The following KCTD18 variants were observed in gnomAD, a reference collection of about 807,000 sequenced individuals.
The protein encoded by KCTD18 is potassium channel tetramerization domain containing 18, also known as BTB/POZ domain-containing protein KCTD18.
A neutral mutation model predicts 30.4 loss-of-function variants in KCTD18; 22 were observed. The ratio of observed to expected loss-of-function variants is 0.72; its 90% CI spans 0.52 to 1.03. The LOEUF (loss-of-function observed/expected upper bound fraction) is 1.03, where lower values mean the gene tolerates loss of function less well. Among genes scored for constraint, KCTD18 ranks in the 50% least tolerant of loss-of-function variants. The pLI is 0.00. For missense variants in KCTD18, 529 were observed against 547.6 expected, an observed-to-expected ratio of 0.97 and a Z score of 0.34; for synonymous variants, 186 against 209.0, an observed-to-expected ratio of 0.89 and a Z score of 0.95.
intron 6 of KCTD18, among the ~76,000 whole-genome samples, chr2:200,492,832 T>C (rs890731886): frequency 2.6e-5 from 1 of 39,040 alleles, no homozygotes; most frequent in African/African-American, 6.3e-5. Context: ...TCTAAATAGA[T>C]TTTTTTTTTA....
In KCTD18 at chr2:200,506,941, G is replaced by A. The variant is rs751451505; in HGVS notation, c.76C>T (p.Arg26Trp). ...LNVGGCIYTA[R>W]RESLCRFKDS... ...TTGAAGCGGCACAAGGACTCCCGCCGGGCTGTGTAAATACAGCCACCCACG... is the reference window on the plus strand; with the variant it reads ...TTGAAGCGGCACAAGGACTCCCGCCAGGCTGTGTAAATACAGCCACCCACG... Residue 26 changes from arginine (R) to tryptophan (W), a missense_variant, in exon 2 of 7, where the codon CGG becomes TGG. Arg to Trp is a moderately radical substitution (Grantham distance 101, BLOSUM62 -3). Coordinates refer to ENST00000359878, the MANE Select transcript of KCTD18 (RefSeq NM_152387.4). 5.6e-6 allele frequency: 9 copies of A among 1,613,682 alleles called. No individual in the cohort carries two copies. The highest frequency in any genetic ancestry group is 1.1e-5 in the South Asian group (1 of 91,040).
Position 200,510,028 on chromosome 2 carries a change from C to T in KCTD18, c.-476G>A, listed in dbSNP as rs1276394047. On this transcript the variant is annotated 5_prime_UTR_variant, in exon 1 of 7. Coordinates refer to ENST00000359878, the MANE Select transcript of KCTD18 (RefSeq NM_152387.4). Reference sequence around the variant, plus strand: ...AGACTGACCTGCGGCCCGCCAGACCCTCGGCGCGGCCGCCGGACGCCGCGG... The same window carrying T: ...AGACTGACCTGCGGCCCGCCAGACCTTCGGCGCGGCCGCCGGACGCCGCGG... The T allele has an allele frequency of 6.6e-6, 1 of 152,114 alleles. No individual in the cohort carries two copies. The highest frequency in any genetic ancestry group is 1.5e-5 in the Non-Finnish European group (1 of 68,004). The allele number at this position is 152,114 out of a possible 1,614,324, so 9.4% of individuals were successfully genotyped here. A position where few individuals can be genotyped will look rare whatever the true frequency, so the allele number is the denominator to read the frequency against.
chr2:200,507,129 C>T (rs973154257), intron 1 of KCTD18, 38 bp from the exon 2 acceptor site: 2 of 726,726 alleles, frequency 2.8e-6, no homozygotes, highest in Admixed American at 5.8e-5. Context: ...CCATTTCCAA[C>T]AAGACACTAA....
At chr2:200,497,655 G>T (rs777622057) in intron 5 of KCTD18, 98 bp downstream of exon 5, 32 of 836,254 alleles carry the variant, frequency 3.8e-5, no homozygotes, top group Non-Finnish European at 5.7e-5. Context: ...AGACTCAAAA[G>T]AATACTTTCT....
At chr2:200,503,143 A>G (rs2029967129) in intron 3 of KCTD18, among the ~76,000 whole-genome samples, 1 of 152,024 alleles carries the variant, frequency 6.6e-6, no homozygotes. Context: ...CCCTGGGAGG[A>G]ACAGCTTTAC....
intron 5 of KCTD18, 56 bp from the exon 6 acceptor site, chr2:200,493,330 C>T (rs2087950920): frequency 9.6e-7 from 1 of 1,043,350 alleles, no homozygotes; most frequent in African/African-American, 1.6e-5. Flanking sequence ...AAATGCTGAG[C>T]AACACTGTTT....
At chr2:200,501,174 T>A (rs184807180) in intron 3 of KCTD18, among the ~76,000 whole-genome samples, 72 of 152,246 alleles carry the variant, frequency 4.7e-4, no homozygotes, top group African/African-American at 1.7e-3. Flanking sequence ...CCTAAAACCA[T>A]GAAAACCCTA....
At chr2:200,493,556 G>A (rs1476429134) in intron 5 of KCTD18, among the ~76,000 whole-genome samples, 1 of 152,186 alleles carries the variant, frequency 6.6e-6, no homozygotes, top group African/African-American at 2.4e-5. Flanking sequence ...GAGAGTGAGG[G>A]CTCAGGCTCC....
At position 200,490,271 on chromosome 2, in the gene KCTD18, C is replaced by T; in HGVS notation, c.1110G>A (p.Lys370=). 1 of 1,614,240 alleles carries T rather than the reference C, an allele frequency of 6.2e-7. No homozygotes were observed. The highest frequency in any genetic ancestry group is 1.6e-4 in the Middle Eastern group (1 of 6,062). ...PPAKVLLSDK[K]PTPQRVIKLK... is the part of the protein sequence containing the mutation. ...GCTTTATCACCCGCTGGGGTGTAGG[C>T]TTCTTGTCGGAGAGTAGCACCTTAG... Residue 370 remains lysine (K), a synonymous_variant, in exon 7 of 7, where the codon AAG becomes AAA. Transcript: ENST00000359878.
At chr2:200,497,181 G>T (rs2088009618) in intron 5 of KCTD18, 1 of 152,838 alleles carries the variant, frequency 6.5e-6, no homozygotes. Context: ...AAGTGTCAAA[G>T]CCCTTCTGAG....
chr2:200,504,458 C>CAAAAAAAAAAAAA, intron 3 of KCTD18, among the ~76,000 whole-genome samples: 1 of 59,258 alleles, frequency 1.7e-5, no homozygotes, highest in Non-Finnish European at 4.0e-5. Context: ...GACTCTGCCT[C>CAAAAAAAAAAAAA]AAAAAAAAAA....
Position 200,488,972 on chromosome 2 carries a change from TTTTA to T in KCTD18, c.*1124_*1127del, listed in dbSNP as rs1394637065. On this transcript the variant is annotated 3_prime_UTR_variant, in exon 7 of 7. Coordinates refer to ENST00000359878, the MANE Select transcript of KCTD18 (RefSeq NM_152387.4). ...GAAAATACCACTTTTTATGGAAAAG[TTTTA>T]TTTGATTTTGTAAAACGTAATGTTT... 1 of 152,198 alleles carries T rather than the reference TTTTA, an allele frequency of 6.6e-6. No homozygotes were observed. The highest frequency in any genetic ancestry group is 6.5e-5 in the Admixed American group (1 of 15,278). 9.4% of individuals were successfully genotyped at this position (152,198 alleles called of 1,614,324 possible).
At chr2:200,498,069 A>G (rs553880233) in intron 4 of KCTD18, among the ~76,000 whole-genome samples, 1 of 152,196 alleles carries the variant, frequency 6.6e-6, no homozygotes, top group Non-Finnish European at 1.5e-5. Context: ...TTTTTATCAT[A>G]GTATTTTATT....
At chr2:200,499,230 A>T in intron 3 of KCTD18, 146 bp from the exon 4 acceptor site, 1 of 587,306 alleles carries the variant, frequency 1.7e-6, no homozygotes, top group South Asian at 3.2e-5. Flanking sequence ...TAGTCTTTAC[A>T]TCTTTAAAAA....
At position 200,506,910 on chromosome 2, in the gene KCTD18, G is replaced by A. The variant is rs1405657085; in HGVS notation, c.107C>T (p.Ser36Phe). ...ACCACTGAACATAGATGCCAACATG[G>A]AGTCCTTGAAGCGGCACAAGGACTC... ...RRESLCRFKD[S>F]MLASMFSGRF... Residue 36 changes from serine (S) to phenylalanine (F), a missense_variant, in exon 2 of 7, where the codon TCC becomes TTC. Physicochemically the swap from Ser to Phe is radical, Grantham distance 155. Transcript: ENST00000359878. The A allele has an allele frequency of 7.4e-6, 12 of 1,613,934 alleles. No homozygotes were observed. The highest frequency in any genetic ancestry group is 2.2e-5 in the East Asian group (1 of 44,880).
intron 5 of KCTD18, among the ~76,000 whole-genome samples, chr2:200,495,520 G>A (rs1346245793): frequency 6.6e-6 from 1 of 152,094 alleles, no homozygotes; most frequent in Non-Finnish European, 1.5e-5. Context: ...GCACTGATGT[G>A]ACCTAACAAG....
rs1406747779 is a variant in KCTD18, at chr2:200,489,968, A to G, written c.*132T>C. On this transcript the variant is annotated 3_prime_UTR_variant, in exon 7 of 7. Transcript: ENST00000359878. Reference sequence around the variant, plus strand: ...CCCCTCCTCCATTCCTAGCTCACACAATTCCAGGAACAGAATCCTCAACAT... The same window carrying G: ...CCCCTCCTCCATTCCTAGCTCACACGATTCCAGGAACAGAATCCTCAACAT... 4 of 961,780 alleles carry G rather than the reference A, an allele frequency of 4.2e-6. No homozygotes were observed. In the Admixed American group the frequency reaches 1.2e-4, roughly 30 times the overall value. The allele number at this position is 961,780 out of a possible 1,614,324, so 59.6% of individuals were successfully genotyped here.
At position 200,493,178 on chromosome 2, in the gene KCTD18, C is replaced by T. The variant is rs1204645688; in HGVS notation, c.758G>A (p.Arg253Gln). ...ACAACACAGCATAGATAACCTCTTT[C>T]GAATTGGAGCCATGTGACGCAGGCT... ...LGSLRHMAPI[R>Q]KRRLITFNEA... The change falls in exon 6 of 7, where the codon CGA becomes CAA. Residue 253 changes from arginine to glutamine, a missense_variant. Coordinates refer to ENST00000359878, the MANE Select transcript of KCTD18 (RefSeq NM_152387.4). The T allele has an allele frequency of 1.9e-6, 3 of 1,600,432 alleles. 1 individual carries two copies. The highest frequency in any genetic ancestry group is 2.2e-5 in the South Asian group (2 of 90,772).
At chr2:200,497,430 CT>C (rs1163603988) in intron 5 of KCTD18, 1 of 185,974 alleles carries the variant, frequency 5.4e-6, no homozygotes, top group Non-Finnish European at 1.1e-5. Context: ...TCTCCCTTTC[CT>C]TGATTACATA....
Sources: allele counts gnomAD v4.1 joint callset (sites outside exome capture counted in the v4.1 genomes callset), GRCh38; gene constraint gnomAD v4.1.1; transcripts MANE v1.5; gene names NCBI Gene and HGNC (gene_info 2026-07-23, HGNC 2026-07-21).